The following P4HA1 variants were observed in gnomAD, a reference collection of about 807,000 sequenced individuals.
The protein encoded by P4HA1 is prolyl 4-hydroxylase subunit alpha 1.
In P4HA1, 24 loss-of-function variants were observed where a neutral mutation model predicts 72.8. The ratio of observed to expected loss-of-function variants is 0.33; its 90% CI spans 0.24 to 0.46. P4HA1 has a LOEUF of 0.46. Among genes scored for constraint, P4HA1 ranks in the 20% least tolerant of loss-of-function variants. The pLI, the probability that P4HA1 is intolerant of heterozygous loss-of-function variation, is 1.00. For synonymous variants in P4HA1, 201 were observed against 218.8 expected, an observed-to-expected ratio of 0.92 and a Z score of 0.72; for missense variants, 446 against 640.6, an observed-to-expected ratio of 0.70 and a Z score of 3.28.
intron 5 of P4HA1, among the ~76,000 whole-genome samples, chr10:73,062,058 T>A (rs78391800): frequency 0.01 from 1,589 of 152,264 alleles, 28 homozygotes; most frequent in African/African-American, 0.036. Context: ...CAGTTAGATA[T>A]GCATGTTGAA....
rs530034548 is a variant in P4HA1 at position 73,029,790 on chromosome 10, T to G, written c.1248+481A>C. Among the ~76,000 whole-genome samples the G allele has an allele frequency of 3.3e-5, 5 of 152,174 alleles. No homozygotes were observed. In the South Asian group the frequency reaches 8.3e-4, roughly 25 times the overall value. On this transcript the variant is annotated intron_variant, in intron 10 of 14. Transcript: ENST00000394890. Reference sequence around the variant, plus strand: ...ATGACGGAGTGAAGAAGAATTATTTTGGGACAGCTACTTTTGATGACAAAT... The same window carrying G: ...ATGACGGAGTGAAGAAGAATTATTTGGGGACAGCTACTTTTGATGACAAAT...
intron 8 of P4HA1, among the ~76,000 whole-genome samples, chr10:73,046,516 C>T (rs895261314): frequency 3.9e-5 from 6 of 152,000 alleles, no homozygotes; most frequent in African/African-American, 1.4e-4. Flanking sequence ...ATAATAGTAA[C>T]AATGTGCCTA....
At chr10:73,093,862 A>AAT (rs1564640886) in intron 1 of P4HA1, among the ~76,000 whole-genome samples, 62 of 73,208 alleles carry the variant, frequency 8.5e-4, no homozygotes, top group Non-Finnish European at 2.7e-4. Context: ...AAAAAAAAAA[A>AAT]AAAAAAAAAA....
chr10:73,043,704 C>T (rs1238486080), intron 9 of P4HA1, among the ~76,000 whole-genome samples: 1 of 152,070 alleles, frequency 6.6e-6, no homozygotes, highest in Non-Finnish European at 1.5e-5. Context: ...TTTGGAAAAC[C>T]CCTATTAACT....
At chr10:73,044,224 T>C (rs1056922481) in intron 9 of P4HA1, among the ~76,000 whole-genome samples, 8 of 152,200 alleles carry the variant, frequency 5.3e-5, no homozygotes, top group African/African-American at 1.7e-4. Context: ...TGAAGCTGTA[T>C]GTAAATGATT....
chr10:73,024,322 C>T (rs1233405536), intron 10 of P4HA1, among the ~76,000 whole-genome samples: 1 of 152,030 alleles, frequency 6.6e-6, no homozygotes, highest in African/African-American at 2.4e-5. Flanking sequence ...CAAATTAGAA[C>T]TCAGGATTAA....
At chr10:73,015,697 T>G (rs1302767833) in intron 11 of P4HA1, among the ~76,000 whole-genome samples, 1 of 152,200 alleles carries the variant, frequency 6.6e-6, no homozygotes, top group Non-Finnish European at 1.5e-5. Context: ...AGAGCTGTTA[T>G]TCCCAAAGCT....
chr10:73,022,247 C>G, intron 10 of P4HA1, among the ~76,000 whole-genome samples: 1 of 152,198 alleles, frequency 6.6e-6, no homozygotes, highest in East Asian at 1.9e-4. Flanking sequence ...TAGGGGCCGA[C>G]AGACACCTCA....
chr10:73,009,277 T>C lies in P4HA1; in HGVS notation c.1534+530A>G, dbSNP rs530620690. On this transcript the variant is annotated intron_variant, in intron 14 of 14. Coordinates refer to ENST00000394890, the MANE Select transcript of P4HA1 (RefSeq NM_001017962.3). ...ATTTTACCTGTTTCTTTTTACTTTTTAAAAATGTGGTCCTGCACTTGCATG... is the reference window on the plus strand; with the variant it reads ...ATTTTACCTGTTTCTTTTTACTTTTCAAAAATGTGGTCCTGCACTTGCATG... Among the ~76,000 whole-genome samples the C allele has an allele frequency of 4.8e-5, 7 of 145,448 alleles. No homozygotes were observed. In the South Asian group the frequency reaches 1.1e-3, roughly 23 times the overall value.
intron 12 of P4HA1, among the ~76,000 whole-genome samples, chr10:73,013,399 G>C (rs981091454): frequency 2.0e-5 from 3 of 152,126 alleles, no homozygotes; most frequent in African/African-American, 7.2e-5. Context: ...CTGTGAAGAA[G>C]CTCAGCCACA....
chr10:73,021,605 A>G (rs1275164823), intron 10 of P4HA1, among the ~76,000 whole-genome samples: 1 of 152,190 alleles, frequency 6.6e-6, no homozygotes, highest in East Asian at 1.9e-4. Context: ...TGCATTTCCA[A>G]CTGAGGTACC....
chr10:73,013,367 CT>C lies in P4HA1; in HGVS notation c.1368+856del, dbSNP rs139411053. The stretch of plus-strand genomic sequence containing the variant: ...TTGCATTGTTCTTTTGGGATGCTTC[CT>C]CTTGCAATCCAGTCACTATGCTGTG... On this transcript the variant is annotated intron_variant, in intron 12 of 14. Transcript: ENST00000394890. Among the ~76,000 whole-genome samples, 476 of 152,304 alleles carry C rather than the reference CT, an allele frequency of 3.1e-3. 5 individuals carry two copies. The East Asian group carries it at 0.031, about 10-fold the overall frequency.
At chr10:73,064,659 G>A (rs559689503) in intron 5 of P4HA1, among the ~76,000 whole-genome samples, 3 of 152,124 alleles carry the variant, frequency 2.0e-5, no homozygotes, top group Admixed American at 6.6e-5. Flanking sequence ...TGGCTGACAC[G>A]GTGAAACCTC....
chr10:73,058,674 C>T (rs1207295729), intron 5 of P4HA1, among the ~76,000 whole-genome samples: 4 of 151,338 alleles, frequency 2.6e-5, no homozygotes, highest in Non-Finnish European at 5.9e-5. Flanking sequence ...AGTAATAACA[C>T]GTAGCTATAA....
chr10:73,020,770 T>C (rs1180689797), intron 10 of P4HA1, among the ~76,000 whole-genome samples: 1 of 152,200 alleles, frequency 6.6e-6, no homozygotes, highest in East Asian at 1.9e-4. Flanking sequence ...TCAATAAATG[T>C]AATTCACCAC....
At chr10:73,059,722 G>A (rs1222345188) in intron 5 of P4HA1, among the ~76,000 whole-genome samples, 1 of 149,956 alleles carries the variant, frequency 6.7e-6, no homozygotes, top group Non-Finnish European at 1.5e-5. Context: ...CAGCCTGGGC[G>A]ACAGAGCAAG....
intron 2 of P4HA1, among the ~76,000 whole-genome samples, chr10:73,074,410 G>A (rs1490736796): frequency 6.6e-6 from 1 of 151,960 alleles, no homozygotes; most frequent in Non-Finnish European, 1.5e-5. Context: ...TTGAGGCCAG[G>A]AGTTGAAGAC....
chr10:73,019,719 ACT>A (rs1203866500), intron 10 of P4HA1, among the ~76,000 whole-genome samples: 1 of 77,716 alleles, frequency 1.3e-5, no homozygotes, highest in East Asian at 4.5e-4. Context: ...ACAGAGCGAG[ACT>A]CTGTCTCAGA....
Position 73,007,491 on chromosome 10 carries a change from T to C in P4HA1, c.*731A>G, listed in dbSNP as rs896717573. On this transcript the variant is annotated 3_prime_UTR_variant, in exon 15 of 15. Transcript: ENST00000394890. ...AGCAAAATTCCTGAACAAAATCATC[T>C]GTCATTTTAAAAAAGGGATAAAAAA... The C allele has an allele frequency of 2.0e-5, 3 of 152,298 alleles. No individual in the cohort carries two copies. The highest frequency in any genetic ancestry group is 4.8e-5 in the African/African-American group (2 of 41,322). 9.4% of individuals were successfully genotyped at this position (152,298 alleles called of 1,614,324 possible).
Sources: gnomAD v4.1 joint callset for allele counts (sites outside exome capture counted in the v4.1 genomes callset) on GRCh38, gnomAD v4.1.1 for gene constraint, MANE v1.5 for transcripts, NCBI Gene and HGNC (gene_info 2026-07-23, HGNC 2026-07-21) for gene names.